CSGALNACT1: variants seen among roughly 807,000 people sequenced by gnomAD.
CSGALNACT1 encodes beta4GalNAcT-1.
A neutral mutation model predicts 51.0 loss-of-function variants in CSGALNACT1; 52 were observed. The observed-to-expected ratio is 1.02, with a 90% CI of 0.82 to 1.29. The LOEUF (loss-of-function observed/expected upper bound fraction) is 1.29. Ranked by LOEUF, CSGALNACT1 falls within the 50% of genes most tolerant of loss-of-function variation. CSGALNACT1 has a pLI of 0.00. For synonymous variants in CSGALNACT1, 341 were observed against 254.4 expected, an observed-to-expected ratio of 1.34 and a Z score of -3.24; for missense variants, 935 against 679.2, an observed-to-expected ratio of 1.38 and a Z score of -4.19.
At position 19,597,090 on chromosome 8, in the gene CSGALNACT1, C is replaced by T. The variant is rs150643288; in HGVS notation, c.-416+4681G>A. ...GGGACCACATATTAGTGGAATCACA[C>T]AGTATTTGTCATACTGCGACTGGCT... is the stretch of plus-strand genomic sequence containing the variant. On this transcript the variant is annotated intron_variant, in intron 2 of 9. Transcript: ENST00000454498. Among the ~76,000 whole-genome samples, 228 of 152,224 alleles carry T rather than the reference C, an allele frequency of 1.5e-3. 2 individuals carry two copies. Among genetic ancestry groups the T allele is most frequent in the African/African-American group, 4.9e-3 (205 of 41,546 alleles).
intron 3 of CSGALNACT1, among the ~76,000 whole-genome samples, chr8:19,516,105 C>T (rs929558654): frequency 5.3e-5 from 8 of 152,156 alleles, no homozygotes; most frequent in Non-Finnish European, 1.2e-4. Flanking sequence ...ACCAGCCTTC[C>T]AACACCCTCC....
chr8:19,587,463 G>A (rs1030802036), intron 3 of CSGALNACT1, among the ~76,000 whole-genome samples: 5 of 152,268 alleles, frequency 3.3e-5, no homozygotes, highest in Middle Eastern at 3.4e-3. Flanking sequence ...CTAGGATGGG[G>A]CTCCAAACAT....
intron 1 of CSGALNACT1, among the ~76,000 whole-genome samples, chr8:19,636,560 G>A (rs1589186999): frequency 6.6e-6 from 1 of 152,166 alleles, no homozygotes; most frequent in Admixed American, 6.5e-5. Flanking sequence ...TCTGAAAAGT[G>A]TTGACAAGTC....
intron 1 of CSGALNACT1, among the ~76,000 whole-genome samples, chr8:19,700,900 C>A (rs748794312): frequency 7.2e-5 from 11 of 152,060 alleles, no homozygotes; most frequent in Non-Finnish European, 1.6e-4. Flanking sequence ...TTGAAGGGGG[C>A]AAAATTTTTG....
chr8:19,442,095 T>C (rs200172447), intron 5 of CSGALNACT1, among the ~76,000 whole-genome samples: 2 of 152,020 alleles, frequency 1.3e-5, no homozygotes, highest in South Asian at 2.1e-4. Context: ...TGTGGAGAAA[T>C]AGGAACACTT....
At chr8:19,427,590 C>A (rs930042856) in intron 6 of CSGALNACT1, among the ~76,000 whole-genome samples, 2 of 152,096 alleles carry the variant, frequency 1.3e-5, no homozygotes, top group Non-Finnish European at 2.9e-5. Context: ...AGATCGAGAC[C>A]ATCCTGGCTA....
intron 1 of CSGALNACT1, among the ~76,000 whole-genome samples, chr8:19,704,145 A>C (rs1420026515): frequency 1.3e-5 from 2 of 152,212 alleles, no homozygotes; most frequent in African/African-American, 4.8e-5. Flanking sequence ...GATCATTCTT[A>C]TTCTCTTCTC....
At position 19,414,613 on chromosome 8, in the gene CSGALNACT1, AC is replaced by A. The variant is rs1438040642; in HGVS notation, c.1227+4042del. ...CACACATACACACACACACACACACACACTATCATAAATGTGGTTTCTTGCT... is the reference window on the plus strand; with the variant it reads ...CACACATACACACACACACACACACAACTATCATAAATGTGGTTTCTTGCT... On this transcript the variant is annotated intron_variant, in intron 8 of 9. Coordinates refer to ENST00000454498, the Ensembl canonical transcript of CSGALNACT1. 2.0e-4 allele frequency among the ~76,000 whole-genome samples: 30 copies of A among 151,010 alleles called. No homozygotes were observed. In the East Asian group the frequency reaches 5.5e-3, roughly 28 times the overall value.
intron 1 of CSGALNACT1, among the ~76,000 whole-genome samples, chr8:19,618,416 G>A (rs1046618030): frequency 6.6e-6 from 1 of 151,864 alleles, no homozygotes; most frequent in East Asian, 1.9e-4. Flanking sequence ...TGAGGTGGGT[G>A]AATCACTTGA....
intron 1 of CSGALNACT1, among the ~76,000 whole-genome samples, chr8:19,747,915 T>A (rs1162840337): frequency 6.6e-6 from 1 of 152,200 alleles, no homozygotes; most frequent in African/African-American, 2.4e-5. Flanking sequence ...GCCATAAGTT[T>A]AGTTAAAAGA....
chr8:19,603,047 TACACACACACACACACACACAC>T (rs5889877), upstream of CSGALNACT1, among the ~76,000 whole-genome samples: 289 of 123,118 alleles, frequency 2.3e-3, 5 homozygotes, highest in Admixed American at 0.021. Context: ...ACTGTGTGTA[TACACACACACACACACACACAC>T]ACACACACAC....
intron 3 of CSGALNACT1, among the ~76,000 whole-genome samples, chr8:19,516,533 C>T (rs1258444895): frequency 6.6e-6 from 1 of 152,124 alleles, no homozygotes; most frequent in Non-Finnish European, 1.5e-5. Context: ...TGTTTTGTAC[C>T]CCCATGTAGC....
rs181591778 is a variant in CSGALNACT1 at position 19,737,864 on chromosome 8, A to G, written c.-297+19986T>C. On this transcript the variant is annotated intron_variant, in intron 1 of 1. Coordinates refer to the CSGALNACT1 transcript ENST00000517494. ...GAGTGGTCAAAATCATAAAGACAGAAAGTAGAATGCCAGGGGCTAGGAGAT... is the reference window on the plus strand; with the variant it reads ...GAGTGGTCAAAATCATAAAGACAGAGAGTAGAATGCCAGGGGCTAGGAGAT... 2.0e-5 allele frequency among the ~76,000 whole-genome samples: 3 copies of G among 152,318 alleles called. No homozygotes were observed. The East Asian group carries it at 5.8e-4, about 29-fold the overall frequency.
intron 5 of CSGALNACT1, chr8:19,457,789 C>T: frequency 7.4e-7 from 1 of 1,351,510 alleles, no homozygotes; most frequent in Non-Finnish European, 9.8e-7. Context: ...GGCTTAAAGG[C>T]ACACATCTAA....
chr8:19,630,194 C>CTCTGTG (rs1431879737), intron 1 of CSGALNACT1, among the ~76,000 whole-genome samples: 77 of 137,892 alleles, frequency 5.6e-4, no homozygotes, highest in African/African-American at 1.9e-3. Flanking sequence ...TCCCACGTCT[C>CTCTGTG]TGTGTGTGTG....
chr8:19,658,534 G>C (rs551881898), intron 1 of CSGALNACT1, among the ~76,000 whole-genome samples: 4 of 152,232 alleles, frequency 2.6e-5, no homozygotes, highest in African/African-American at 9.6e-5. Flanking sequence ...AGGAGTTTGA[G>C]ACCAGCCTGG....
intron 1 of CSGALNACT1, among the ~76,000 whole-genome samples, chr8:19,636,685 A>C (rs566475988): frequency 3.9e-5 from 6 of 152,240 alleles, no homozygotes; most frequent in African/African-American, 1.4e-4. Context: ...GCTGTCCCCA[A>C]ATGGAGTGAG....
exon 1 of CSGALNACT1, chr8:19,602,065 A>G (rs79061859): frequency 4.1e-5 from 13 of 319,470 alleles, no homozygotes; most frequent in Non-Finnish European, 8.0e-5. Flanking sequence ...TTAAAAAAAA[A>G]TCAAGGCTTT....
intron 1 of CSGALNACT1, among the ~76,000 whole-genome samples, chr8:19,713,421 T>A (rs2154234132): frequency 6.6e-6 from 1 of 152,192 alleles, no homozygotes; most frequent in Non-Finnish European, 1.5e-5. Context: ...GTGTTATGCG[T>A]TGAATTGTGT....
Sources: allele counts gnomAD v4.1 joint callset (sites outside exome capture counted in the v4.1 genomes callset), GRCh38; gene constraint gnomAD v4.1.1; transcripts MANE v1.5; gene names NCBI Gene and HGNC (gene_info 2026-07-23, HGNC 2026-07-21).